Variants in CTNNA2 observed in about 807,000 individuals in gnomAD.
CTNNA2 encodes the protein catenin alpha-2.
A neutral mutation model predicts 101.0 loss-of-function variants in CTNNA2; 42 were observed. That is an observed-to-expected ratio of 0.42 (90% CI 0.32 to 0.54). CTNNA2 has a LOEUF of 0.54. Ranked by LOEUF, CTNNA2 falls within the 20% of genes least tolerant of loss-of-function variation. The pLI is 0.14. For synonymous variants in CTNNA2, 450 were observed against 456.4 expected (o/e 0.99, Z 0.18); for missense variants, 871 against 1,223.1 (o/e 0.71, Z 4.29).
At chr2:79,464,970 A>G (rs1344510467) in intron 4 of CTNNA2, among the ~76,000 whole-genome samples, 1 of 152,184 alleles carries the variant, frequency 6.6e-6, no homozygotes, top group Non-Finnish European at 1.5e-5. Flanking sequence ...TTTGCTGTGC[A>G]GAAGCTCTTT....
At chr2:80,173,024 C>A (rs986842934) in intron 7 of CTNNA2, among the ~76,000 whole-genome samples, 48 of 152,178 alleles carry the variant, frequency 3.2e-4, no homozygotes, top group African/African-American at 1.1e-3. Context: ...GGAAGGGGTA[C>A]AATTCAATCC....
chr2:79,578,040 A>G (rs951569057), intron 1 of CTNNA2, among the ~76,000 whole-genome samples: 5 of 152,124 alleles, frequency 3.3e-5, no homozygotes, highest in South Asian at 4.1e-4. Flanking sequence ...AGGTGCAAAA[A>G]TTACCGATTC....
At chr2:80,345,175 T>C (rs1192334466) in intron 7 of CTNNA2, among the ~76,000 whole-genome samples, 1 of 152,186 alleles carries the variant, frequency 6.6e-6, no homozygotes, top group East Asian at 1.9e-4. Context: ...CCAAAATCAT[T>C]ACAGTGGTCT....
At chr2:80,428,433 C>T (rs1380151909) in intron 9 of CTNNA2, among the ~76,000 whole-genome samples, 1 of 152,108 alleles carries the variant, frequency 6.6e-6, no homozygotes, top group Non-Finnish European at 1.5e-5. Flanking sequence ...AGAAGAGAGG[C>T]AAGGTCAGTG....
intron 9 of CTNNA2, among the ~76,000 whole-genome samples, chr2:80,544,308 A>T (rs546118331): frequency 6.6e-6 from 1 of 152,132 alleles, no homozygotes; most frequent in Admixed American, 6.5e-5. Flanking sequence ...AGGGGGAAAA[A>T]AAAAACTGTT....
rs2149536832 is a variant in CTNNA2, at chr2:80,503,508, G to C, written c.1291-41474G>C. Among the ~76,000 whole-genome samples, 3 of 152,228 alleles carry C rather than the reference G, an allele frequency of 2.0e-5. No individual in the cohort carries two copies. In the South Asian group the frequency reaches 6.2e-4, roughly 32 times the overall value. On this transcript the variant is annotated intron_variant, in intron 9 of 18. Coordinates refer to ENST00000402739, the MANE Select transcript of CTNNA2 (RefSeq NM_001282597.3). ...CTAATTCGTATGAAGTGGGAGATGG[G>C]GAGCCCAAAATCAAATCTATACCCC...
At chr2:80,418,170 CCTT>C (rs906755529) in intron 8 of CTNNA2, among the ~76,000 whole-genome samples, 21 of 152,176 alleles carry the variant, frequency 1.4e-4, no homozygotes, top group African/African-American at 4.6e-4. Context: ...CTCCTTCAGA[CCTT>C]CTTACCCTAG....
intron 6 of CTNNA2, among the ~76,000 whole-genome samples, chr2:79,877,832 C>A (rs2104091187): frequency 6.6e-6 from 1 of 152,178 alleles, no homozygotes; most frequent in Non-Finnish European, 1.5e-5. Flanking sequence ...CTAGTTTGCC[C>A]TAAAATTTAT....
chr2:80,483,832 A>T (rs1257796276), intron 9 of CTNNA2, among the ~76,000 whole-genome samples: 1 of 152,196 alleles, frequency 6.6e-6, no homozygotes, highest in East Asian at 1.9e-4. Flanking sequence ...TGAAGAATGA[A>T]TAGTGAGACT....
chr2:80,583,739 A>T (rs1695739121), intron 14 of CTNNA2, among the ~76,000 whole-genome samples: 1 of 152,158 alleles, frequency 6.6e-6, no homozygotes, highest in Non-Finnish European at 1.5e-5. Flanking sequence ...CTTCTGTTTC[A>T]TTGGGAACCT....
chr2:80,095,486 A>C lies in CTNNA2; in HGVS notation c.1056+185689A>C, dbSNP rs200845612. 1.0e-3 allele frequency among the ~76,000 whole-genome samples: 156 copies of C among 152,156 alleles called. No homozygotes were observed. In the East Asian group the frequency reaches 0.021, roughly 20 times the overall value. On this transcript the variant is annotated intron_variant, in intron 7 of 18. Coordinates refer to ENST00000402739, the MANE Select transcript of CTNNA2 (RefSeq NM_001282597.3). ...TCTCTTTTTTTGTTGTGTCTCTGCC[A>C]GGCTTTGGTATCAGGATGATGCTGG...
chr2:80,051,623 A>G (rs934803178), intron 7 of CTNNA2, among the ~76,000 whole-genome samples: 3 of 152,198 alleles, frequency 2.0e-5, no homozygotes, highest in Non-Finnish European at 2.9e-5. Context: ...AAAAACAGCA[A>G]CAATGAAAAA....
chr2:79,215,384 G>T (rs773393006), intron 2 of CTNNA2, among the ~76,000 whole-genome samples: 1 of 152,188 alleles, frequency 6.6e-6, no homozygotes, highest in South Asian at 2.1e-4. Flanking sequence ...TCTCACAGTG[G>T]AGGCAAAGAA....
intron 3 of CTNNA2, among the ~76,000 whole-genome samples, chr2:79,351,902 C>A (rs1484611545): frequency 6.6e-6 from 1 of 152,100 alleles, no homozygotes; most frequent in African/African-American, 2.4e-5. Context: ...AACATACAGA[C>A]ACATATGACC....
intron 7 of CTNNA2, among the ~76,000 whole-genome samples, chr2:80,047,510 A>C (rs1696606335): frequency 6.6e-6 from 1 of 152,154 alleles, no homozygotes; most frequent in African/African-American, 2.4e-5. Context: ...TCCCTGAAGA[A>C]CTTGCTGTGC....
In CTNNA2 at chr2:79,443,903, A is replaced by ACTCTCTCTCTCTCTCTCT. The variant is rs3979544; in HGVS notation, c.-134-61130_-134-61113dup. On this transcript the variant is annotated intron_variant, in intron 4 of 21. Transcript: ENST00000466387. Reference sequence around the variant, plus strand: ...AAGCTTTTATCTTATTTGTATACATACTCTCTCTCTCTCTCTCTCTCTCTC... The same window carrying ACTCTCTCTCTCTCTCTCT: ...AAGCTTTTATCTTATTTGTATACATACTCTCTCTCTCTCTCTCTCTCTCTCTCTCTCTCTCTCTCTCTC... Among the ~76,000 whole-genome samples the ACTCTCTCTCTCTCTCTCT allele has an allele frequency of 5.3e-4, 75 of 141,908 alleles. No homozygotes were observed. In the East Asian group the frequency reaches 0.011, roughly 21 times the overall value. The allele number at this position is 141,908 out of a possible 152,430, so 93.1% of individuals were successfully genotyped here. A position where few individuals can be genotyped will look rare whatever the true frequency, so the allele number is the denominator to read the frequency against.
chr2:79,491,836 C>T (rs1019508843), intron 4 of CTNNA2, among the ~76,000 whole-genome samples: 1 of 152,202 alleles, frequency 6.6e-6, no homozygotes, highest in East Asian at 1.9e-4. Context: ...TGGCCCTGTT[C>T]TTATTTAGGT....
chr2:80,328,953 G>C (rs1315172138), intron 7 of CTNNA2, among the ~76,000 whole-genome samples: 1 of 152,134 alleles, frequency 6.6e-6, no homozygotes, highest in African/African-American at 2.4e-5. Flanking sequence ...TTCCATTACA[G>C]TCTTATGGGA....
At chr2:80,006,066 A>T (rs997456788) in intron 7 of CTNNA2, among the ~76,000 whole-genome samples, 1 of 151,988 alleles carries the variant, frequency 6.6e-6, no homozygotes, top group Non-Finnish European at 1.5e-5. Context: ...CTTAACAGAA[A>T]CCTATTTTGT....
Sources: allele counts gnomAD v4.1 joint callset (sites outside exome capture counted in the v4.1 genomes callset), GRCh38; gene constraint gnomAD v4.1.1; transcripts MANE v1.5; gene names NCBI Gene and HGNC (gene_info 2026-07-23, HGNC 2026-07-21).